Variants in CDH13 observed in about 807,000 individuals in gnomAD.
CDH13 encodes cadherin 13, also known as cadherin-13.
In CDH13, 24 loss-of-function variants were observed where a neutral mutation model predicts 63.8. The observed-to-expected ratio is 0.38, with a 90% CI of 0.27 to 0.53. The LOEUF (loss-of-function observed/expected upper bound fraction) is 0.53, where lower values mean the gene tolerates loss of function less well. Among genes scored for constraint, CDH13 ranks in the 20% least tolerant of loss-of-function variants. The pLI, the probability that CDH13 is intolerant of heterozygous loss-of-function variation, is 0.85. For missense variants in CDH13, 1,049 were observed against 903.1 expected (o/e 1.16, Z -2.07); for synonymous variants, 503 against 355.3 (o/e 1.42, Z -4.67).
At chr16:83,728,324 T>C (rs936627651) in intron 10 of CDH13, among the ~76,000 whole-genome samples, 2 of 131,994 alleles carry the variant, frequency 1.5e-5, no homozygotes, top group African/African-American at 5.5e-5. Flanking sequence ...TGGCTATGTG[T>C]GTATGTGTAT....
intron 3 of CDH13, among the ~76,000 whole-genome samples, chr16:83,042,505 T>C (rs993361701): frequency 3.3e-5 from 5 of 152,182 alleles, no homozygotes; most frequent in African/African-American, 1.2e-4. Context: ...TTCTACATTA[T>C]GGTGCGTTGT....
At chr16:83,310,283 C>G (rs772459459) in intron 5 of CDH13, among the ~76,000 whole-genome samples, 1 of 152,118 alleles carries the variant, frequency 6.6e-6, no homozygotes, top group African/African-American at 2.4e-5. Context: ...AAATAAATAG[C>G]AGTCTAAGAT....
At chr16:83,240,370 A>T (rs1309234336) in intron 5 of CDH13, among the ~76,000 whole-genome samples, 1 of 152,076 alleles carries the variant, frequency 6.6e-6, no homozygotes, top group African/African-American at 2.4e-5. Context: ...CAGAGGCAGG[A>T]TGTGTTCAGA....
At chr16:83,197,589 T>C (rs1204849751) in intron 4 of CDH13, among the ~76,000 whole-genome samples, 7 of 152,102 alleles carry the variant, frequency 4.6e-5, no homozygotes, top group Non-Finnish European at 7.4e-5. Flanking sequence ...AACAGATCAG[T>C]GGCTGCCAGA....
At chr16:83,746,016 C>A (rs1371135016) in intron 10 of CDH13, among the ~76,000 whole-genome samples, 1 of 152,222 alleles carries the variant, frequency 6.6e-6, no homozygotes, top group Non-Finnish European at 1.5e-5. Flanking sequence ...CACGTCCTGA[C>A]TCTACGATTT....
chr16:82,832,655 T>C (rs1390454002), intron 1 of CDH13, among the ~76,000 whole-genome samples: 1 of 151,862 alleles, frequency 6.6e-6, no homozygotes, highest in Non-Finnish European at 1.5e-5. Flanking sequence ...CACCCCAAAA[T>C]GAAACAAAAC....
At chr16:82,836,306 G>A (rs764315974) in intron 1 of CDH13, among the ~76,000 whole-genome samples, 22 of 151,866 alleles carry the variant, frequency 1.4e-4, no homozygotes, top group African/African-American at 3.9e-4. Flanking sequence ...CCACCACCAC[G>A]CCCAGTTATT....
chr16:83,040,033 T>C (rs993615384), intron 3 of CDH13, among the ~76,000 whole-genome samples: 1 of 151,638 alleles, frequency 6.6e-6, no homozygotes, highest in Non-Finnish European at 1.5e-5. Flanking sequence ...TGCTTTCTTC[T>C]GCTTGTGCCT....
At chr16:83,404,529 T>G (rs2092013262) in intron 6 of CDH13, among the ~76,000 whole-genome samples, 1 of 152,252 alleles carries the variant, frequency 6.6e-6, no homozygotes, top group Admixed American at 6.5e-5. Flanking sequence ...TTAATGTTGT[T>G]CTTATTATTG....
intron 7 of CDH13, among the ~76,000 whole-genome samples, chr16:83,559,723 A>C (rs1316036322): frequency 6.6e-6 from 1 of 152,054 alleles, no homozygotes; most frequent in Non-Finnish European, 1.5e-5. Flanking sequence ...CTTAATTCTA[A>C]CCACTTTCCA....
intron 1 of CDH13, among the ~76,000 whole-genome samples, chr16:82,703,412 C>T (rs977303128): frequency 1.3e-5 from 2 of 152,084 alleles, no homozygotes; most frequent in African/African-American, 4.8e-5. Flanking sequence ...AGAACTCGTA[C>T]CCCCAGGATC....
At chr16:82,998,595 A>G (rs528234325) in intron 2 of CDH13, among the ~76,000 whole-genome samples, 1 of 152,120 alleles carries the variant, frequency 6.6e-6, no homozygotes, top group South Asian at 2.1e-4. Flanking sequence ...CCAATACCTC[A>G]TGCCACTCTC....
chr16:83,025,518 C>G (rs1915718051), intron 2 of CDH13, among the ~76,000 whole-genome samples: 1 of 152,158 alleles, frequency 6.6e-6, no homozygotes, highest in African/African-American at 2.4e-5. Flanking sequence ...ACAAGAATAG[C>G]ATGGAGGTAA....
intron 6 of CDH13, among the ~76,000 whole-genome samples, chr16:83,449,402 C>G (rs2072815385): frequency 6.6e-6 from 1 of 152,176 alleles, no homozygotes. Context: ...GCTCCCTTAC[C>G]TGATCACACA....
chr16:83,770,829 A>G (rs184076832), intron 11 of CDH13, among the ~76,000 whole-genome samples: 52 of 152,220 alleles, frequency 3.4e-4, no homozygotes, highest in African/African-American at 1.3e-3. Context: ...AACCTGTTTT[A>G]TCAGAAAGGT....
At chr16:83,002,790 A>G (rs986377049) in intron 2 of CDH13, among the ~76,000 whole-genome samples, 1 of 152,160 alleles carries the variant, frequency 6.6e-6, no homozygotes, top group Non-Finnish European at 1.5e-5. Context: ...AAAGCTGTCT[A>G]GACAGAAGGG....
chr16:82,991,752 T>C (rs771456136), intron 2 of CDH13, among the ~76,000 whole-genome samples: 19 of 152,214 alleles, frequency 1.2e-4, no homozygotes, highest in Non-Finnish European at 2.6e-4. Flanking sequence ...AAAACGATTG[T>C]GTCTATAAAC....
intron 4 of CDH13, among the ~76,000 whole-genome samples, chr16:83,183,159 T>C (rs1184095526): frequency 6.6e-6 from 1 of 152,184 alleles, no homozygotes; most frequent in Non-Finnish European, 1.5e-5. Context: ...TATTTCAACC[T>C]GATAAAAGGA....
intron 6 of CDH13, among the ~76,000 whole-genome samples, chr16:83,464,033 C>T (rs546769770): frequency 5.3e-5 from 8 of 152,214 alleles, no homozygotes; most frequent in Admixed American, 3.3e-4. Flanking sequence ...CAGCCAGATT[C>T]GGAAGCTCCT....
Sources: gnomAD v4.1 joint callset for allele counts (sites outside exome capture counted in the v4.1 genomes callset) on GRCh38, gnomAD v4.1.1 for gene constraint, MANE v1.5 for transcripts, NCBI Gene and HGNC (gene_info 2026-07-23, HGNC 2026-07-21) for gene names.